The following FBXO17 variants were observed in gnomAD, a reference collection of about 807,000 sequenced individuals.
The protein encoded by FBXO17 is F-box protein 17.
A neutral mutation model predicts 34.1 loss-of-function variants in FBXO17; 43 were observed. The ratio of observed to expected loss-of-function variants is 1.26; its 90% CI spans 0.99 to 1.62. The LOEUF (loss-of-function observed/expected upper bound fraction) is 1.62, where lower values mean the gene tolerates loss of function less well. FBXO17 is among the 40% of genes most tolerant of loss of function. FBXO17 has a pLI of 0.00. For synonymous variants in FBXO17, 169 were observed against 166.0 expected (o/e 1.02, Z -0.14); for missense variants, 424 against 386.7 (o/e 1.10, Z -0.81).
chr19:38,945,840 A>T (rs1179631229), intron 4 of FBXO17: 3 of 183,120 alleles, frequency 1.6e-5, no homozygotes, highest in African/African-American at 7.3e-5. Context: ...GTCCTGGGGG[A>T]GGAGCCTGGG....
At chr19:38,957,654 T>G (rs959616381) in intron 1 of FBXO17, among the ~76,000 whole-genome samples, 1 of 152,116 alleles carries the variant, frequency 6.6e-6, no homozygotes, top group African/African-American at 2.4e-5. Flanking sequence ...GTTCCTGTTC[T>G]TCTTAGGAGT....
chr19:38,964,344 T>G (rs1975292691), intron 1 of FBXO17, among the ~76,000 whole-genome samples: 1 of 152,048 alleles, frequency 6.6e-6, no homozygotes, highest in African/African-American at 2.4e-5. Context: ...TAATTTTTGT[T>G]TGTTTGTTTG....
At chr19:38,955,006 C>T (rs1975146737) in intron 1 of FBXO17, among the ~76,000 whole-genome samples, 1 of 151,258 alleles carries the variant, frequency 6.6e-6, no homozygotes, top group Non-Finnish European at 1.5e-5. Flanking sequence ...TGTCGGCTCA[C>T]TGCAAGCTCC....
chr19:38,962,791 A>C (rs1358742156), intron 1 of FBXO17, among the ~76,000 whole-genome samples: 1 of 150,862 alleles, frequency 6.6e-6, no homozygotes, highest in Non-Finnish European at 1.5e-5. Context: ...ATCTCGGCTC[A>C]CCGCAACCTC....
chr19:38,942,103 G>A lies in FBXO17; in HGVS notation c.*505C>T, dbSNP rs1974895813. 1 of 151,938 alleles carries A rather than the reference G, an allele frequency of 6.6e-6. No individual in the cohort carries two copies. Among genetic ancestry groups the A allele is most frequent in the Admixed American group, 6.6e-5 (1 of 15,218 alleles). 9.4% of individuals were successfully genotyped at this position (151,938 alleles called of 1,614,324 possible). A position where few individuals can be genotyped will look rare whatever the true frequency, so the allele number is the denominator to read the frequency against. On this transcript the variant is annotated 3_prime_UTR_variant, in exon 6 of 6. Coordinates refer to ENST00000292852, the MANE Select transcript of FBXO17 (RefSeq NM_024907.7). ...TCTTCCTGACACTCCCCTTCTGGGG[G>A]GCTGAGGAAGCTGTGAACAGCCTGG...
chr19:38,945,183 G>C, intron 4 of FBXO17, 79 bp from the exon 5 acceptor site: 2 of 1,566,796 alleles, frequency 1.3e-6, no homozygotes, highest in Non-Finnish European at 1.7e-6. Flanking sequence ...CTGAGGGCTG[G>C]CTCCATCTTG....
chr19:38,957,880 T>C (rs898641602), intron 1 of FBXO17, among the ~76,000 whole-genome samples: 1 of 151,950 alleles, frequency 6.6e-6, no homozygotes, highest in African/African-American at 2.4e-5. Context: ...GGCGGGAGGA[T>C]TGCTTGAGCC....
Position 38,949,962 on chromosome 19 carries a change from G to C in FBXO17, c.349+9C>G, listed in dbSNP as rs1975049113. On this transcript the variant is annotated intron_variant, in intron 2 of 5. Coordinates refer to ENST00000292852, the MANE Select transcript of FBXO17 (RefSeq NM_024907.7). ...CCTCAGCCTCCTGGGCCCCGCCCCCGTCACCCACGCTCTCCGCAGGAGTTG... is the reference window on the plus strand; with the variant it reads ...CCTCAGCCTCCTGGGCCCCGCCCCCCTCACCCACGCTCTCCGCAGGAGTTG... 7.0e-7 allele frequency: 1 copy of C among 1,436,838 alleles called. No homozygotes were observed. The highest frequency in any genetic ancestry group is 9.2e-7 in the Non-Finnish European group (1 of 1,086,174). 89.0% of individuals were successfully genotyped at this position (1,436,838 alleles called of 1,614,324 possible).
At chr19:38,963,345 A>C (rs924596923) in intron 1 of FBXO17, among the ~76,000 whole-genome samples, 1 of 148,350 alleles carries the variant, frequency 6.7e-6, no homozygotes, top group Admixed American at 6.8e-5. Context: ...CCCAGGCTGG[A>C]GGGCAGTGGC....
Position 38,950,021 on chromosome 19 carries a change from C to T in FBXO17, c.299G>A (p.Cys100Tyr), listed in dbSNP as rs1416716934. ...EFPLCALARY[C>Y]LRAPFGRNLI... The stretch of plus-strand genomic sequence containing the variant: ...ATTGCGGCCGAAGGGCGCGCGCAGA[C>T]AGTAGCGCGCCAGGGCGCACAGCGG... The change falls in exon 2 of 6, where the codon TGT (cysteine) becomes TAT (tyrosine). Residue 100 changes from cysteine (C) to tyrosine (Y), a missense_variant. Coordinates refer to ENST00000292852, the MANE Select transcript of FBXO17 (RefSeq NM_024907.7). 1.9e-6 allele frequency: 3 copies of T among 1,562,420 alleles called. No individual in the cohort carries two copies. Among genetic ancestry groups the T allele is most frequent in the Non-Finnish European group, 2.6e-6 (3 of 1,155,058 alleles).
chr19:38,956,970 T>C (rs2144827757), intron 1 of FBXO17, among the ~76,000 whole-genome samples: 1 of 152,276 alleles, frequency 6.6e-6, no homozygotes, highest in East Asian at 1.9e-4. Flanking sequence ...TTTAAAATAT[T>C]AATATTAATT....
At chr19:38,972,822 C>T (rs1387845975) in intron 1 of FBXO17, among the ~76,000 whole-genome samples, 1 of 151,984 alleles carries the variant, frequency 6.6e-6, no homozygotes, top group Non-Finnish European at 1.5e-5. Flanking sequence ...TGCAATGGCG[C>T]GATCTCGGCT....
chr19:38,964,878 G>A (rs1169166656), intron 1 of FBXO17, among the ~76,000 whole-genome samples: 1 of 152,156 alleles, frequency 6.6e-6, no homozygotes, highest in Non-Finnish European at 1.5e-5. Context: ...TGAGCTCCCA[G>A]CACAAAGACT....
At chr19:38,972,017 TGGA>T (rs919915837) in intron 1 of FBXO17, among the ~76,000 whole-genome samples, 25 of 152,092 alleles carry the variant, frequency 1.6e-4, no homozygotes, top group African/African-American at 5.8e-4. Flanking sequence ...AACTGAGGCT[TGGA>T]GGATGACAGC....
intron 1 of FBXO17, among the ~76,000 whole-genome samples, chr19:38,970,387 T>C (rs955318213): frequency 1.3e-5 from 2 of 151,920 alleles, no homozygotes; most frequent in Admixed American, 6.6e-5. Flanking sequence ...TTTGTGTTTT[T>C]AGTAGAGATG....
chr19:38,944,950 G>A lies in FBXO17; in HGVS notation c.693+19C>T. The A allele has an allele frequency of 6.2e-7, 1 of 1,613,522 alleles. No homozygotes were observed. Among genetic ancestry groups the A allele is most frequent in the Non-Finnish European group, 8.5e-7 (1 of 1,179,658 alleles). ...GCCTTTAGCGGGTCGGGGGGAGCTG[G>A]AAGCTAGTCTGGACCCACCTGTCGG... On this transcript the variant is annotated intron_variant, in intron 5 of 5. Transcript: ENST00000292852.
At chr19:38,973,486 C>G (rs1975416980) in intron 1 of FBXO17, among the ~76,000 whole-genome samples, 1 of 152,150 alleles carries the variant, frequency 6.6e-6, no homozygotes, top group Non-Finnish European at 1.5e-5. Context: ...GGCTCAAACA[C>G]CAGTGGGGGT....
At chr19:38,970,134 A>G (rs1006575982) in intron 1 of FBXO17, among the ~76,000 whole-genome samples, 1 of 152,116 alleles carries the variant, frequency 6.6e-6, no homozygotes, top group Non-Finnish European at 1.5e-5. Flanking sequence ...TACAAATATT[A>G]TAAATAATAC....
intron 1 of FBXO17, among the ~76,000 whole-genome samples, chr19:38,962,262 G>C (rs1231742458): frequency 6.6e-6 from 1 of 152,024 alleles, no homozygotes; most frequent in Admixed American, 6.6e-5. Flanking sequence ...TTTGCTGACT[G>C]ACATGATGCT....
Sources: allele counts gnomAD v4.1 joint callset (sites outside exome capture counted in the v4.1 genomes callset), GRCh38; gene constraint gnomAD v4.1.1; transcripts MANE v1.5; gene names NCBI Gene and HGNC (gene_info 2026-07-23, HGNC 2026-07-21).